The following ASB18 variants were observed in gnomAD, a reference collection of about 807,000 sequenced individuals.
ASB18 encodes ankyrin repeat and SOCS box containing 18.
ASB18 carries 33 observed loss-of-function variants against 33.4 expected under a neutral mutation model. The observed-to-expected ratio is 0.99, with a 90% CI of 0.75 to 1.32. The LOEUF (loss-of-function observed/expected upper bound fraction) is 1.32. Ranked by LOEUF, ASB18 falls within the 40% of genes most tolerant of loss-of-function variation. The pLI is 0.00. For missense variants in ASB18, 694 were observed against 655.5 expected (o/e 1.06, Z -0.64); for synonymous variants, 295 against 307.6 (o/e 0.96, Z 0.43).
chr2:236,233,278 G>C (rs1667112564), intron 3 of ASB18, among the ~76,000 whole-genome samples: 1 of 152,030 alleles, frequency 6.6e-6, no homozygotes. Flanking sequence ...AGAAACAGAA[G>C]GGAGTTCTGT....
At position 236,226,686 on chromosome 2, in the gene ASB18, C is replaced by A. The variant is rs1201667314; in HGVS notation, c.596+11003G>T. ...TGTTGGCGTCTCTTCAGCAGTGTTG[C>A]AATGATTCACAGCATTTTGTGTTTA... is the stretch of plus-strand genomic sequence containing the variant. On this transcript the variant is annotated intron_variant, in intron 3 of 5. Transcript: ENST00000409749. This position sits in a 1 kb window ranked among gnomAD's most constrained non-coding sequence, Gnocchi z 4.8. Among the ~76,000 whole-genome samples, 2 of 152,122 alleles carry A rather than the reference C, an allele frequency of 1.3e-5. No individual in the cohort carries two copies. Among genetic ancestry groups the A allele is most frequent in the Admixed American group, 1.3e-4 (2 of 15,264 alleles).
In ASB18 at chr2:236,214,150, C is replaced by G; in HGVS notation, c.1101+212G>C. 2 of 564,724 alleles carry G rather than the reference C, an allele frequency of 3.5e-6. No individual in the cohort carries two copies. The highest frequency in any genetic ancestry group is 6.1e-6 in the Non-Finnish European group (2 of 326,692). 35.0% of individuals were successfully genotyped at this position (564,724 alleles called of 1,614,324 possible). On this transcript the variant is annotated intron_variant, in intron 4 of 5. Coordinates refer to ENST00000409749, the MANE Select transcript of ASB18 (RefSeq NM_212556.4). The surrounding 1 kb of genome is among the most constrained non-coding windows in gnomAD (Gnocchi z 6.5). ...GCCCCTGTTCCTCAAAATGGGGTCC[C>G]AGGAACAGCAGTCTAGGCCACACCC...
In ASB18 at chr2:236,251,543, A is replaced by G. The variant is rs936185376; in HGVS notation, c.206-10141T>C. Among the ~76,000 whole-genome samples the G allele has an allele frequency of 3.3e-5, 5 of 152,266 alleles. No individual in the cohort carries two copies. The highest frequency in any genetic ancestry group is 7.3e-5 in the Non-Finnish European group (5 of 68,034). ...TGATTGTTCTGCCCTGTGATCCTTTATATCCCTTCTAGAAACGAGAAGTTT... is the reference window on the plus strand; with the variant it reads ...TGATTGTTCTGCCCTGTGATCCTTTGTATCCCTTCTAGAAACGAGAAGTTT... On this transcript the variant is annotated intron_variant, in intron 1 of 5. Transcript: ENST00000409749. This position sits in a 1 kb window ranked among gnomAD's most constrained non-coding sequence, Gnocchi z 5.3.
In ASB18 at chr2:236,237,349, CGGGGCGCGGGGCG is replaced by C. The variant is rs1307058094; in HGVS notation, c.596+327_596+339del. Among the ~76,000 whole-genome samples, 3 of 62,892 alleles carry C rather than the reference CGGGGCGCGGGGCG, an allele frequency of 4.8e-5. No individual in the cohort carries two copies. The highest frequency in any genetic ancestry group is 1.4e-4 in the African/African-American group (3 of 20,760). 41.3% of individuals were successfully genotyped at this position (62,892 alleles called of 152,430 possible). ...TAATTAAACCCGCGGGGGCCGGGGC[CGGGGCGCGGGGCG>C]GGGGCCGGGGCCGGGGCGCGGGGCG... is the stretch of plus-strand genomic sequence containing the variant. On this transcript the variant is annotated intron_variant, in intron 3 of 5. Coordinates refer to ENST00000409749, the MANE Select transcript of ASB18 (RefSeq NM_212556.4). The surrounding 1 kb of genome is among the most constrained non-coding windows in gnomAD (Gnocchi z 6.2).
rs1489484243 is a variant in ASB18 at position 236,263,760 on chromosome 2, A to G, written c.205+381T>C. The stretch of plus-strand genomic sequence containing the variant: ...GTAGGGGATTGAAATTGGGAAGACT[A>G]TGTAGCAACATGGAAAATGCTTTAG... On this transcript the variant is annotated intron_variant, in intron 1 of 5. Coordinates refer to ENST00000409749, the MANE Select transcript of ASB18 (RefSeq NM_212556.4). The surrounding 1 kb of genome is among the most constrained non-coding windows in gnomAD (Gnocchi z 4.0). Among the ~76,000 whole-genome samples, 1 of 152,230 alleles carries G rather than the reference A, an allele frequency of 6.6e-6. No individual in the cohort carries two copies. Among genetic ancestry groups the G allele is most frequent in the East Asian group, 1.9e-4 (1 of 5,202 alleles).
At position 236,209,830 on chromosome 2, in the gene ASB18, G is replaced by A. The variant is rs1385758233; in HGVS notation, c.1101+4532C>T. 1.3e-5 allele frequency among the ~76,000 whole-genome samples: 2 copies of A among 152,218 alleles called. No homozygotes were observed. Among genetic ancestry groups the A allele is most frequent in the African/African-American group, 4.8e-5 (2 of 41,468 alleles). On this transcript the variant is annotated intron_variant, in intron 4 of 5. Transcript: ENST00000409749. The surrounding 1 kb of genome is among the most constrained non-coding windows in gnomAD (Gnocchi z 4.4). The stretch of plus-strand genomic sequence containing the variant: ...TAGTCTCAACTGGTGCCCCCTAGCT[G>A]TTTCCTCTCCAACGACTAGCTCATT...
rs1221180346 is a variant in ASB18 at position 236,221,334 on chromosome 2, T to A, written c.597-6468A>T. Among the ~76,000 whole-genome samples, 1 of 152,156 alleles carries A rather than the reference T, an allele frequency of 6.6e-6. No homozygotes were observed. The highest frequency in any genetic ancestry group is 1.9e-4 in the East Asian group (1 of 5,200). ...GGAAAGGGACATTGCTTCTGAACAT[T>A]TTGTTAGTAATGTTAAACATCTCAT... is the stretch of plus-strand genomic sequence containing the variant. On this transcript the variant is annotated intron_variant, in intron 3 of 5. Transcript: ENST00000409749. This position sits in a 1 kb window ranked among gnomAD's most constrained non-coding sequence, Gnocchi z 5.6.
rs531178651 is a variant in ASB18, at chr2:236,257,842, C to T, written c.205+6299G>A. The stretch of plus-strand genomic sequence containing the variant: ...GCACTGGGTTTACAGTGCCAATTGT[C>T]TGTGGAACCCAAGGTGTGTCATGCA... On this transcript the variant is annotated intron_variant, in intron 1 of 5. Transcript: ENST00000409749. This position sits in a 1 kb window ranked among gnomAD's most constrained non-coding sequence, Gnocchi z 5.5. 1.3e-4 allele frequency among the ~76,000 whole-genome samples: 20 copies of T among 152,304 alleles called. No individual in the cohort carries two copies. The South Asian group carries it at 4.1e-3, about 32-fold the overall frequency.
chr2:236,199,817 C>T (rs1014193299), intron 4 of ASB18, among the ~76,000 whole-genome samples: 2 of 151,368 alleles, frequency 1.3e-5, no homozygotes, highest in African/African-American at 4.9e-5. Context: ...AATATTTTAA[C>T]AAGTAGACCA....
Position 236,260,878 on chromosome 2 carries a change from C to T in ASB18, c.205+3263G>A, listed in dbSNP as rs1347801836. Among the ~76,000 whole-genome samples the T allele has an allele frequency of 4.5e-4, 69 of 152,200 alleles. No individual in the cohort carries two copies. The highest frequency in any genetic ancestry group is 5.9e-5 in the Non-Finnish European group (4 of 68,042). Reference sequence around the variant, plus strand: ...GCCCCAGCAGAAAGCAGTTCCCAAGCTCATCCCACCATGGAGCTCTTCTCA... The same window carrying T: ...GCCCCAGCAGAAAGCAGTTCCCAAGTTCATCCCACCATGGAGCTCTTCTCA... On this transcript the variant is annotated intron_variant, in intron 1 of 5. Transcript: ENST00000409749. This position sits in a 1 kb window ranked among gnomAD's most constrained non-coding sequence, Gnocchi z 5.1.
Position 236,264,034 on chromosome 2 carries a change from A to G in ASB18, c.205+107T>C. ...ATGAGAGTCAGATATCCGAGTACAT[A>G]TCATTTACTTTTTCCAAACATTTGC... On this transcript the variant is annotated intron_variant, in intron 1 of 5. Coordinates refer to ENST00000409749, the MANE Select transcript of ASB18 (RefSeq NM_212556.4). This position sits in a 1 kb window ranked among gnomAD's most constrained non-coding sequence, Gnocchi z 5.1. 1 of 868,020 alleles carries G rather than the reference A, an allele frequency of 1.2e-6. No homozygotes were observed. Among genetic ancestry groups the G allele is most frequent in the Non-Finnish European group, 1.8e-6 (1 of 544,076 alleles). 53.8% of individuals were successfully genotyped at this position (868,020 alleles called of 1,614,324 possible). A position where few individuals can be genotyped will look rare whatever the true frequency, so the allele number is the denominator to read the frequency against.
Position 236,200,194 on chromosome 2 carries a change from A to T in ASB18, c.1102-3809T>A, listed in dbSNP as rs2060393717. 6.6e-6 allele frequency among the ~76,000 whole-genome samples: 1 copy of T among 152,008 alleles called. No individual in the cohort carries two copies. Among genetic ancestry groups the T allele is most frequent in the Non-Finnish European group, 1.5e-5 (1 of 68,004 alleles). On this transcript the variant is annotated intron_variant, in intron 4 of 5. Transcript: ENST00000409749. The surrounding 1 kb of genome is among the most constrained non-coding windows in gnomAD (Gnocchi z 4.2). ...AAGCTCCATCTCTACTAAAAATACA[A>T]CAAAATTAGCCAGGCATGGTGGTGC...
At position 236,194,700 on chromosome 2, in the gene ASB18, A is replaced by G. The variant is rs977632886; in HGVS notation, c.*172T>C. 1.3e-5 allele frequency among the ~76,000 whole-genome samples: 2 copies of G among 152,082 alleles called. No homozygotes were observed. The highest frequency in any genetic ancestry group is 1.5e-5 in the Non-Finnish European group (1 of 68,016). On this transcript the variant is annotated 3_prime_UTR_variant, in exon 6 of 6. Transcript: ENST00000409749. The surrounding 1 kb of genome is among the most constrained non-coding windows in gnomAD (Gnocchi z 4.5). ...AGAAAGGGCTTTTGTTGCCAATTCC[A>G]TTTCGAGGTGAACCTGAAGCTTGGC...
In ASB18 at chr2:236,228,349, G is replaced by GCTCT. The variant is rs58857070; in HGVS notation, c.596+9339_596+9340insAGAG. ...AGGGGACCCCAGCAGAGCCTGGTGA[G>GCTCT]CTGAGTGGAGGAGACGGCACTGGAA... is the stretch of plus-strand genomic sequence containing the variant. On this transcript the variant is annotated intron_variant, in intron 3 of 5. Transcript: ENST00000409749. The surrounding 1 kb of genome is among the most constrained non-coding windows in gnomAD (Gnocchi z 5.1). Among the ~76,000 whole-genome samples the GCTCT allele has an allele frequency of 0.48, 73,403 of 151,700 alleles. 21,935 individuals carry two copies. Among genetic ancestry groups the GCTCT allele is most frequent in the African/African-American group, 0.86 (35,540 of 41,298 alleles).
At position 236,229,207 on chromosome 2, in the gene ASB18, A is replaced by C. The variant is rs2060553947; in HGVS notation, c.596+8482T>G. ...GAGGAAAGACTGACCATGTTAAGTA[A>C]AATACAGAAATATAAGTCCTAAGAT... is the stretch of plus-strand genomic sequence containing the variant. On this transcript the variant is annotated intron_variant, in intron 3 of 5. Transcript: ENST00000409749. This position sits in a 1 kb window ranked among gnomAD's most constrained non-coding sequence, Gnocchi z 5.2. Among the ~76,000 whole-genome samples the C allele has an allele frequency of 6.6e-6, 1 of 152,262 alleles. No homozygotes were observed. Among genetic ancestry groups the C allele is most frequent in the Non-Finnish European group, 1.5e-5 (1 of 68,052 alleles).
At position 236,239,160 on chromosome 2, in the gene ASB18, T is replaced by C. The variant is rs2060609942; in HGVS notation, c.329-1204A>G. ...TGGATGTAGTCTATCTACATTGTTA[T>C]CCCCGTGATAACAATAACCTACATT... is the stretch of plus-strand genomic sequence containing the variant. On this transcript the variant is annotated intron_variant, in intron 2 of 5. Coordinates refer to ENST00000409749, the MANE Select transcript of ASB18 (RefSeq NM_212556.4). The surrounding 1 kb of genome is among the most constrained non-coding windows in gnomAD (Gnocchi z 5.6). 6.6e-6 allele frequency among the ~76,000 whole-genome samples: 1 copy of C among 152,208 alleles called. No individual in the cohort carries two copies. Among genetic ancestry groups the C allele is most frequent in the African/African-American group, 2.4e-5 (1 of 41,446 alleles).
rs1424769250 is a variant in ASB18, at chr2:236,195,690, A to G, written c.1215+582T>C. On this transcript the variant is annotated intron_variant, in intron 5 of 5. Coordinates refer to ENST00000409749, the MANE Select transcript of ASB18 (RefSeq NM_212556.4). The surrounding 1 kb of genome is among the most constrained non-coding windows in gnomAD (Gnocchi z 5.5). ...GCCACCATGCTTGGGTAATTTCTGT[A>G]TTTTCAGTAAAGACAAGCTTTCACC... 1.3e-5 allele frequency among the ~76,000 whole-genome samples: 2 copies of G among 151,858 alleles called. No individual in the cohort carries two copies. The highest frequency in any genetic ancestry group is 4.8e-5 in the African/African-American group (2 of 41,296).
chr2:236,212,467 C>T (rs2060463009), intron 4 of ASB18, among the ~76,000 whole-genome samples: 1 of 152,152 alleles, frequency 6.6e-6, no homozygotes, highest in Non-Finnish European at 1.5e-5. Context: ...AATTTCAAGG[C>T]TAACAAAGGA....
chr2:236,252,555 TCTC>T lies in ASB18; in HGVS notation c.206-11156_206-11154del, dbSNP rs1411724005. On this transcript the variant is annotated intron_variant, in intron 1 of 5. Transcript: ENST00000409749. This position sits in a 1 kb window ranked among gnomAD's most constrained non-coding sequence, Gnocchi z 7.9. ...CATTTCCTCCCCAGGATGTCTGTTT[TCTC>T]CTCTTGATCTATTGTTGCGGGGAGC... Among the ~76,000 whole-genome samples, 5 of 152,216 alleles carry T rather than the reference TCTC, an allele frequency of 3.3e-5. No individual in the cohort carries two copies. The highest frequency in any genetic ancestry group is 1.2e-4 in the African/African-American group (5 of 41,526).
Sources: allele counts gnomAD v4.1 joint callset (sites outside exome capture counted in the v4.1 genomes callset), GRCh38; gene constraint gnomAD v4.1.1; non-coding constraint Gnocchi (gnomAD v3.1); transcripts MANE v1.5; gene names NCBI Gene and HGNC (gene_info 2026-07-23, HGNC 2026-07-21).